The following FANK1 variants were observed in gnomAD, a reference collection of about 807,000 sequenced individuals.
The protein encoded by FANK1 is fibronectin type III and ankyrin repeat domains 1.
FANK1 carries 44 observed loss-of-function variants against 45.3 expected under a neutral mutation model. The observed-to-expected ratio is 0.97, with a 90% CI of 0.76 to 1.25. The LOEUF (loss-of-function observed/expected upper bound fraction) is 1.25. FANK1 is among the 50% of genes most tolerant of loss of function. The pLI, the probability that FANK1 is intolerant of heterozygous loss-of-function variation, is 0.00. For missense variants in FANK1, 391 were observed against 424.4 expected (o/e 0.92, Z 0.69); for synonymous variants, 149 against 152.5 (o/e 0.98, Z 0.17).
chr10:125,931,007 G>A (rs1947717211), intron 1 of FANK1, among the ~76,000 whole-genome samples: 1 of 152,142 alleles, frequency 6.6e-6, no homozygotes, highest in Non-Finnish European at 1.5e-5. Flanking sequence ...TGGAATAATA[G>A]TCTCCAATCT....
At chr10:125,939,297 A>G (rs1948298800) in intron 1 of FANK1, among the ~76,000 whole-genome samples, 1 of 152,220 alleles carries the variant, frequency 6.6e-6, no homozygotes, top group Non-Finnish European at 1.5e-5. Flanking sequence ...CTAAAAAGAA[A>G]AAGGACAATT....
chr10:125,940,409 C>A (rs1393777007), intron 1 of FANK1, among the ~76,000 whole-genome samples: 1 of 152,090 alleles, frequency 6.6e-6, no homozygotes, highest in African/African-American at 2.4e-5. Flanking sequence ...TGCACGTAGG[C>A]CAGATTTATG....
At chr10:125,969,618 C>CT (rs202121488) in intron 1 of FANK1, among the ~76,000 whole-genome samples, 321 of 150,894 alleles carry the variant, frequency 2.1e-3, no homozygotes, top group African/African-American at 6.9e-3. Context: ...TTGAATTTTT[C>CT]TTTTTTTTTA....
rs555007714 is a variant in FANK1 at position 125,930,041 on chromosome 10, G to A, written c.13+33386G>A. ...TGGCTATCCAGTTGACTTTGGCACC[G>A]TTTATTAAAATGACCATCTTTTCTT... On this transcript the variant is annotated intron_variant, in intron 1 of 10. Transcript: ENST00000368693. Among the ~76,000 whole-genome samples the A allele has an allele frequency of 3.2e-3, 480 of 152,150 alleles. 1 individual carries two copies. Among genetic ancestry groups the A allele is most frequent in the African/African-American group, 0.011 (469 of 41,524 alleles).
chr10:125,992,084 G>C (rs1436349942), intron 3 of FANK1, among the ~76,000 whole-genome samples: 1 of 152,202 alleles, frequency 6.6e-6, no homozygotes, highest in African/African-American at 2.4e-5. Context: ...GCAATGGCCG[G>C]CCTTTTAAAA....
At chr10:125,918,118 G>A (rs1946606943) in intron 1 of FANK1, among the ~76,000 whole-genome samples, 1 of 152,430 alleles carries the variant, frequency 6.6e-6, no homozygotes, top group East Asian at 1.9e-4. Flanking sequence ...GGTTGCCAGA[G>A]GCTGGGGTAG....
intron 1 of FANK1, among the ~76,000 whole-genome samples, chr10:125,961,263 T>C (rs901123074): frequency 2.0e-5 from 3 of 152,180 alleles, no homozygotes; most frequent in Non-Finnish European, 2.9e-5. Flanking sequence ...CGTGCAACCA[T>C]GCCTAGCTAA....
intron 1 of FANK1, among the ~76,000 whole-genome samples, chr10:125,957,847 A>G (rs1018871646): frequency 2.6e-5 from 4 of 151,994 alleles, no homozygotes; most frequent in African/African-American, 9.7e-5. Flanking sequence ...TTTAAAGATA[A>G]TGTCACTAGG....
At chr10:126,003,387 A>T (rs547371723) in intron 6 of FANK1, among the ~76,000 whole-genome samples, 6 of 152,198 alleles carry the variant, frequency 3.9e-5, no homozygotes, top group African/African-American at 1.4e-4. Flanking sequence ...ATAAGGTGAA[A>T]TTTTTTAAGA....
At chr10:125,979,926 A>G (rs1188571886) in intron 1 of FANK1, 3 of 623,616 alleles carry the variant, frequency 4.8e-6, no homozygotes, top group Non-Finnish European at 8.9e-6. Context: ...GTGGTATGAT[A>G]TTGATGGGCA....
At chr10:125,978,312 C>T (rs1165023994) in intron 1 of FANK1, among the ~76,000 whole-genome samples, 1 of 131,276 alleles carries the variant, frequency 7.6e-6, no homozygotes, top group Non-Finnish European at 1.8e-5. Context: ...GGGATTGGGA[C>T]CCACTTAAAA....
chr10:125,920,066 G>A (rs1021233123), intron 1 of FANK1, among the ~76,000 whole-genome samples: 5 of 152,094 alleles, frequency 3.3e-5, no homozygotes, highest in African/African-American at 1.2e-4. Flanking sequence ...ACTTGGACTT[G>A]GGAGATGACT....
At chr10:125,941,239 T>G (rs1948434733) in intron 1 of FANK1, among the ~76,000 whole-genome samples, 1 of 152,026 alleles carries the variant, frequency 6.6e-6, no homozygotes, top group Admixed American at 6.5e-5. Flanking sequence ...TACAAGTCAA[T>G]TAAAATACAT....
chr10:125,975,238 G>A (rs536360747), intron 1 of FANK1, among the ~76,000 whole-genome samples: 1 of 152,226 alleles, frequency 6.6e-6, no homozygotes, highest in Admixed American at 6.5e-5. Context: ...TCTTTATCCA[G>A]TCTGTCATTG....
At chr10:125,989,715 A>G (rs73370569) in intron 3 of FANK1, among the ~76,000 whole-genome samples, 2,549 of 152,338 alleles carry the variant, frequency 0.017, 74 homozygotes, top group African/African-American at 0.056. Flanking sequence ...CCTTCATCCG[A>G]CAGTGTTGAG....
intron 2 of FANK1, among the ~76,000 whole-genome samples, chr10:125,988,235 T>A: frequency 6.6e-6 from 1 of 152,352 alleles, no homozygotes; most frequent in Non-Finnish European, 1.5e-5. Context: ...CTGTCTTATC[T>A]TTCAAATATA....
intron 1 of FANK1, among the ~76,000 whole-genome samples, chr10:125,923,078 C>T (rs1913748): frequency 1.3e-5 from 2 of 151,484 alleles, no homozygotes; most frequent in South Asian, 2.1e-4. Flanking sequence ...TTCTTTATGG[C>T]AAGTTTTTTC....
At chr10:125,918,417 G>A (rs2134125239) in intron 1 of FANK1, among the ~76,000 whole-genome samples, 1 of 152,238 alleles carries the variant, frequency 6.6e-6, no homozygotes, top group South Asian at 2.1e-4. Context: ...TTCGCTAGGT[G>A]TGGTGGCGGG....
intron 1 of FANK1, among the ~76,000 whole-genome samples, chr10:125,911,461 A>G (rs1388827591): frequency 6.6e-6 from 1 of 152,262 alleles, no homozygotes; most frequent in Non-Finnish European, 1.5e-5. Flanking sequence ...TATAGCAGCA[A>G]TAGGAAACTT....
Sources: allele counts gnomAD v4.1 joint callset (sites outside exome capture counted in the v4.1 genomes callset), GRCh38; gene constraint gnomAD v4.1.1; transcripts MANE v1.5; gene names NCBI Gene and HGNC (gene_info 2026-07-23, HGNC 2026-07-21).